The following KMT2A variants were observed in gnomAD, a reference collection of about 807,000 sequenced individuals.
KMT2A encodes lysine methyltransferase 2A.
Under a neutral mutation model 345.3 loss-of-function variants are expected in KMT2A, and 16 were observed. The ratio of observed to expected loss-of-function variants is 0.05; its 90% CI spans 0.03 to 0.07. The LOEUF is 0.07. KMT2A is among the 10% of genes least tolerant of loss of function. KMT2A has a pLI of 1.00. For missense variants in KMT2A, 3,272 were observed against 4,841.6 expected, an observed-to-expected ratio of 0.68 and a Z score of 9.62; for synonymous variants, 1,599 against 1,778.6, an observed-to-expected ratio of 0.90 and a Z score of 2.54.
intron 11 of KMT2A, 110 bp downstream of exon 11, chr11:118,488,870 G>C (rs1282038688): frequency 1.1e-6 from 1 of 882,100 alleles, no homozygotes; most frequent in African/African-American, 1.7e-5. Context: ...ATGAGTAGTT[G>C]CCTCTGTACT....
At chr11:118,518,458 T>C (rs1950872887) in intron 31 of KMT2A, among the ~76,000 whole-genome samples, 1 of 152,124 alleles carries the variant, frequency 6.6e-6, no homozygotes, top group African/African-American at 2.4e-5. Flanking sequence ...GAGTTCTGTG[T>C]TAGGGGTGTA....
Position 118,494,677 on chromosome 11 carries a change from T to C in KMT2A, c.5290-17T>C. 9 of 1,610,604 alleles carry C rather than the reference T, an allele frequency of 5.6e-6. No homozygotes were observed. The highest frequency in any genetic ancestry group is 7.6e-6 in the Non-Finnish European group (9 of 1,177,350). ...TGAGTGTTTACATATTTACATTTTG[T>C]TTGTGTTTTCTTTTAGCAAATGGAA... On this transcript the variant is annotated splice_polypyrimidine_tract_variant and intron_variant, in intron 17 of 35. Transcript: ENST00000534358. This position sits in a 1 kb window ranked among gnomAD's most constrained non-coding sequence, Gnocchi z 5.8.
chr11:118,466,308 T>G (rs1206630736), intron 1 of KMT2A, among the ~76,000 whole-genome samples: 1 of 152,038 alleles, frequency 6.6e-6, no homozygotes, highest in African/African-American at 2.4e-5. Context: ...ACAGCCTGAG[T>G]GACAGAGTGA....
In KMT2A at chr11:118,493,476, A is replaced by G. The variant is rs1950356568; in HGVS notation, c.5178+246A>G. On this transcript the variant is annotated intron_variant, in intron 16 of 35. Coordinates refer to ENST00000534358, the MANE Select transcript of KMT2A (RefSeq NM_001197104.2). The surrounding 1 kb of genome is among the most constrained non-coding windows in gnomAD (Gnocchi z 5.8). ...TTTGGCTTTCATCTCAGTTTTCTGAAAATTATTTTTATATTAAGAGGAAGC... is the reference window on the plus strand; with the variant it reads ...TTTGGCTTTCATCTCAGTTTTCTGAGAATTATTTTTATATTAAGAGGAAGC... 6.6e-6 allele frequency among the ~76,000 whole-genome samples: 1 copy of G among 152,168 alleles called. No individual in the cohort carries two copies. The highest frequency in any genetic ancestry group is 1.5e-5 in the Non-Finnish European group (1 of 68,030).
chr11:118,494,601 C>A lies in KMT2A; in HGVS notation c.5290-93C>A. 1 of 1,130,794 alleles carries A rather than the reference C, an allele frequency of 8.8e-7. No individual in the cohort carries two copies. The highest frequency in any genetic ancestry group is 1.4e-5 in the South Asian group (1 of 72,350). The allele number at this position is 1,130,794 out of a possible 1,614,324, so 70.0% of individuals were successfully genotyped here. A position where few individuals can be genotyped will look rare whatever the true frequency, so the allele number is the denominator to read the frequency against. ...CTTTCTCTTGGTGGCCTGAAATTAT[C>A]CTCGTATTAACAGAGAAGCTGGTTT... On this transcript the variant is annotated intron_variant, in intron 17 of 35. Transcript: ENST00000534358. This position sits in a 1 kb window ranked among gnomAD's most constrained non-coding sequence, Gnocchi z 5.8.
chr11:118,510,339 T>C lies in KMT2A; in HGVS notation c.11071+221T>C, dbSNP rs1268691745. On this transcript the variant is annotated intron_variant, in intron 30 of 35. Transcript: ENST00000534358. The surrounding 1 kb of genome is among the most constrained non-coding windows in gnomAD (Gnocchi z 4.1). ...AATGATACAGATTATGTTTTCAACATTGCACACACCTTAGCGGAGCCCCTG... is the reference window on the plus strand; with the variant it reads ...AATGATACAGATTATGTTTTCAACACTGCACACACCTTAGCGGAGCCCCTG... Among the ~76,000 whole-genome samples the C allele has an allele frequency of 1.3e-5, 2 of 152,230 alleles. No homozygotes were observed. The highest frequency in any genetic ancestry group is 2.9e-5 in the Non-Finnish European group (2 of 68,034).
rs782621928 is a variant in KMT2A, at chr11:118,436,504, G to C, written c.-9G>C. The stretch of plus-strand genomic sequence containing the variant: ...TCTCCCTCTCGCTGCTTCACTTCAC[G>C]GGGCGAACATGGCGCACAGCTGTCG... On this transcript the variant is annotated 5_prime_UTR_variant, in exon 1 of 36. Coordinates refer to ENST00000534358, the MANE Select transcript of KMT2A (RefSeq NM_001197104.2). The surrounding 1 kb of genome is among the most constrained non-coding windows in gnomAD (Gnocchi z 6.9). The C allele has an allele frequency of 1.4e-5, 18 of 1,260,332 alleles. No individual in the cohort carries two copies. Among genetic ancestry groups the C allele is most frequent in the South Asian group, 3.6e-5 (1 of 28,130 alleles). The allele number at this position is 1,260,332 out of a possible 1,614,324, so 78.1% of individuals were successfully genotyped here. A position where few individuals can be genotyped will look rare whatever the true frequency, so the allele number is the denominator to read the frequency against.
In KMT2A at chr11:118,484,066, T is replaced by C; in HGVS notation, c.4087-117T>C. ...AAAATTCAAAGATTATTTGTTTATG[T>C]TGGAAACATGTTTTTTAGATCTATT... On this transcript the variant is annotated intron_variant, in intron 8 of 35. Transcript: ENST00000534358. This position sits in a 1 kb window ranked among gnomAD's most constrained non-coding sequence, Gnocchi z 4.1. The C allele has an allele frequency of 9.6e-7, 1 of 1,042,384 alleles. No homozygotes were observed. Among genetic ancestry groups the C allele is most frequent in the Non-Finnish European group, 1.4e-6 (1 of 719,118 alleles). The allele number at this position is 1,042,384 out of a possible 1,614,324, so 64.6% of individuals were successfully genotyped here.
At chr11:118,486,805 T>C (rs374612428) in intron 10 of KMT2A, among the ~76,000 whole-genome samples, 2 of 152,188 alleles carry the variant, frequency 1.3e-5, no homozygotes, top group South Asian at 2.1e-4. Context: ...AGAGGATCAC[T>C]TGAGCCCAGG....
chr11:118,501,561 T>A (rs1950501070), intron 25 of KMT2A, 111 bp from the exon 26 acceptor site: 2 of 831,078 alleles, frequency 2.4e-6, no homozygotes, highest in African/African-American at 3.5e-5. Context: ...ACTTGGGAAG[T>A]CTCATTTGCT....
At chr11:118,444,241 A>T (rs975709390) in intron 1 of KMT2A, among the ~76,000 whole-genome samples, 4 of 152,324 alleles carry the variant, frequency 2.6e-5, no homozygotes, top group African/African-American at 9.6e-5. Flanking sequence ...CCCATATTCA[A>T]CTTCTGTCCA....
rs1302141817 is a variant in KMT2A, at chr11:118,524,007, C to T, written c.*1835C>T. 5.0e-5 allele frequency: 10 copies of T among 201,628 alleles called. No individual in the cohort carries two copies. Among genetic ancestry groups the T allele is most frequent in the Admixed American group, 1.8e-4 (3 of 16,628 alleles). The allele number at this position is 201,628 out of a possible 1,614,324, so 12.5% of individuals were successfully genotyped here. A position where few individuals can be genotyped will look rare whatever the true frequency, so the allele number is the denominator to read the frequency against. On this transcript the variant is annotated 3_prime_UTR_variant, in exon 36 of 36. Coordinates refer to ENST00000534358, the MANE Select transcript of KMT2A (RefSeq NM_001197104.2). ...GCGCAACTTCCAGAGTGGTGGGAGA[C>T]GGCAATCTTTACATTTCCCTCATCT...
Position 118,522,114 on chromosome 11 carries a change from C to G in KMT2A, c.11861C>G (p.Ala3954Gly). The change falls in exon 36 of 36, where the codon GCC becomes GGC. Residue 3954 changes from alanine (A) to glycine (G), a missense_variant. Transcript: ENST00000534358. The surrounding 1 kb of genome is among the most constrained non-coding windows in gnomAD (Gnocchi z 5.4). ...GACTATAAGTTCCCCATTGAGGATG[C>G]CAGCAACAAGCTGCCCTGCAACTGT... ...TYDYKFPIED[A>G]SNKLPCNCGA... 6.2e-7 allele frequency: 1 copy of G among 1,614,184 alleles called. No homozygotes were observed. Among genetic ancestry groups the G allele is most frequent in the Non-Finnish European group, 8.5e-7 (1 of 1,180,030 alleles).
chr11:118,455,660 T>C (rs1012505127), intron 1 of KMT2A, among the ~76,000 whole-genome samples: 3 of 149,884 alleles, frequency 2.0e-5, no homozygotes, highest in Non-Finnish European at 3.0e-5. Flanking sequence ...CTCTGCCCCT[T>C]ATTATTATTA....
At chr11:118,471,451 A>C (rs1949941082) in intron 2 of KMT2A, among the ~76,000 whole-genome samples, 1 of 152,242 alleles carries the variant, frequency 6.6e-6, no homozygotes, top group Non-Finnish European at 1.5e-5. Context: ...AAAGTAATTA[A>C]ATGTTCTTTC....
chr11:118,504,386 C>T lies in KMT2A; in HGVS notation c.8494C>T (p.Leu2832=). The change falls in exon 27 of 36, where the codon CTG becomes TTG. Residue 2832 remains leucine, a synonymous_variant. Transcript: ENST00000534358. The surrounding 1 kb of genome is among the most constrained non-coding windows in gnomAD (Gnocchi z 6.4). The part of the protein sequence containing the change: ...NLLDTYNTEL[L]KSDSDNNNSD... ...ACTGGACACCTATAATACTGAGCTCCTGAAATCAGATTCAGACAATAACAA... is the reference window on the plus strand; with the variant it reads ...ACTGGACACCTATAATACTGAGCTCTTGAAATCAGATTCAGACAATAACAA... 2.5e-6 allele frequency: 4 copies of T among 1,614,114 alleles called. No individual in the cohort carries two copies. Among genetic ancestry groups the T allele is most frequent in the Non-Finnish European group, 3.4e-6 (4 of 1,180,014 alleles).
chr11:118,481,719 G>A lies in KMT2A; in HGVS notation c.3639G>A (p.Val1213=), dbSNP rs147741426. The A allele has an allele frequency of 1.4e-5, 23 of 1,606,628 alleles. No individual in the cohort carries two copies. Among genetic ancestry groups the A allele is most frequent in the Middle Eastern group, 3.3e-4 (2 of 6,032 alleles). Residue 1213 remains valine (V), a synonymous_variant, in exon 7 of 36, where the codon GTG becomes GTA. Coordinates refer to ENST00000534358, the MANE Select transcript of KMT2A (RefSeq NM_001197104.2). ...GTTGTTGTGTTTTTCCCTCAGCTGT[G>A]AAAAAGAAAGAGAAAAAGTCTAAGA... The part of the protein sequence containing the change: ...KAYLQKQAKA[V]KKKEKKSKTS...
intron 5 of KMT2A, among the ~76,000 whole-genome samples, chr11:118,479,525 AAGT>A (rs1248513556): frequency 1.3e-5 from 2 of 152,356 alleles, no homozygotes; most frequent in East Asian, 3.9e-4. Flanking sequence ...AGGAGACAAG[AAGT>A]AGTTCTGTGC....
rs1555138701 is a variant in KMT2A, at chr11:118,436,777, G to A, written c.265G>A (p.Ala89Thr). Reference protein sequence around the residue: ...AAASAASSSSASSSSSSSSSA... With the variant: ...AAASAASSSSTSSSSSSSSSA... Reference sequence around the variant, plus strand: ...CGCCTCAGCAGCCTCCTCGTCGTCCGCCTCGTCTTCGTCTTCGTCATCGTC... The same window carrying A: ...CGCCTCAGCAGCCTCCTCGTCGTCCACCTCGTCTTCGTCTTCGTCATCGTC... The change falls in exon 1 of 36, where the codon GCC becomes ACC. Residue 89 changes from alanine to threonine, a missense_variant. Ala to Thr is a moderately conservative substitution (Grantham distance 58, BLOSUM62 0). Around this residue, in one of 27 missense-constraint regions of KMT2A, gnomAD observed 412 missense variants for 511.0 expected, o/e 0.81. Coordinates refer to ENST00000534358, the MANE Select transcript of KMT2A (RefSeq NM_001197104.2). This position sits in a 1 kb window ranked among gnomAD's most constrained non-coding sequence, Gnocchi z 6.9. 2.5e-6 allele frequency: 4 copies of A among 1,604,368 alleles called. No individual in the cohort carries two copies. Among genetic ancestry groups the A allele is most frequent in the Non-Finnish European group, 3.4e-6 (4 of 1,175,806 alleles).
Sources: gnomAD v4.1 joint callset for allele counts (sites outside exome capture counted in the v4.1 genomes callset) on GRCh38, gnomAD v4.1.1 for gene constraint, gnomAD v4.1.1 regional missense constraint, Gnocchi (gnomAD v3.1) non-coding constraint, MANE v1.5 for transcripts, NCBI Gene and HGNC (gene_info 2026-07-23, HGNC 2026-07-21) for gene names.